Variants in KCNH1 observed in about 807,000 individuals in gnomAD.
KCNH1 encodes the protein potassium voltage-gated channel subfamily H member 1.
KCNH1 carries 27 observed loss-of-function variants against 69.2 expected under a neutral mutation model. The ratio of observed to expected loss-of-function variants is 0.39; its 90% CI spans 0.29 to 0.54. KCNH1 has a LOEUF of 0.54. Ranked by LOEUF, KCNH1 falls within the 20% of genes least tolerant of loss-of-function variation. The pLI is 0.68. For missense variants in KCNH1, 798 were observed against 1,261.6 expected (o/e 0.63, Z 5.57); for synonymous variants, 456 against 487.7 (o/e 0.93, Z 0.86).
intron 7 of KCNH1, chr1:210,861,006 C>T: frequency 9.4e-7 from 1 of 1,061,772 alleles, no homozygotes; most frequent in Non-Finnish European, 1.5e-6. Flanking sequence ...TTTCAAAGGT[C>T]AGCATTGGGT....
At chr1:210,873,523 T>C (rs950466144) in intron 7 of KCNH1, among the ~76,000 whole-genome samples, 2 of 151,844 alleles carry the variant, frequency 1.3e-5, no homozygotes, top group Non-Finnish European at 1.5e-5. Flanking sequence ...TATTTTTTTT[T>C]ACTTTTTGTA....
chr1:210,989,319 C>A (rs983648622), intron 6 of KCNH1, among the ~76,000 whole-genome samples: 1 of 152,166 alleles, frequency 6.6e-6, no homozygotes, highest in Non-Finnish European at 1.5e-5. Flanking sequence ...ACACAAAATA[C>A]TACTTTTGTG....
intron 10 of KCNH1, among the ~76,000 whole-genome samples, chr1:210,726,817 G>A (rs573460466): frequency 2.3e-5 from 3 of 130,998 alleles, no homozygotes; most frequent in South Asian, 2.3e-4. Flanking sequence ...CGGCGGGGGT[G>A]GGGTGGACTA....
intron 10 of KCNH1, among the ~76,000 whole-genome samples, chr1:210,774,978 A>G (rs1288938050): frequency 6.6e-6 from 1 of 152,178 alleles, no homozygotes; most frequent in African/African-American, 2.4e-5. Flanking sequence ...ACCACAGAGA[A>G]TTCAGTTTAC....
rs114759370 is a variant in KCNH1 at position 211,046,008 on chromosome 1, C to T, written c.559-26752G>A. 5.0e-3 allele frequency among the ~76,000 whole-genome samples: 761 copies of T among 152,278 alleles called. 8 individuals carry two copies. Among genetic ancestry groups the T allele is most frequent in the African/African-American group, 0.017 (725 of 41,564 alleles). On this transcript the variant is annotated intron_variant, in intron 5 of 10. Coordinates refer to ENST00000271751, the MANE Select transcript of KCNH1 (RefSeq NM_172362.3). ...GTTTCATCCATATGATCACAAATGG[C>T]AGGATTTGACTCTTTTGTAAGACTG...
intron 6 of KCNH1, among the ~76,000 whole-genome samples, chr1:210,936,213 G>A (rs566242868): frequency 5.3e-5 from 8 of 151,990 alleles, no homozygotes; most frequent in South Asian, 4.2e-4. Context: ...TTTCAACCCC[G>A]TATTACTCAT....
At chr1:210,862,259 C>A in intron 7 of KCNH1, 1 of 1,043,702 alleles carries the variant, frequency 9.6e-7, no homozygotes, top group Non-Finnish European at 1.5e-6. Context: ...CCCCGCAGGG[C>A]CTCGATAATG....
intron 5 of KCNH1, among the ~76,000 whole-genome samples, chr1:211,051,278 G>A (rs1257312064): frequency 4.6e-5 from 7 of 152,148 alleles, no homozygotes; most frequent in African/African-American, 1.7e-4. Context: ...GATTACAGGC[G>A]TGAGCCACCA....
At chr1:210,860,660 G>A in intron 7 of KCNH1, 5 of 780,522 alleles carry the variant, frequency 6.4e-6, no homozygotes, top group East Asian at 4.9e-5. Context: ...TGCATTACAG[G>A]TCTGATAAAT....
intron 5 of KCNH1, among the ~76,000 whole-genome samples, chr1:211,076,832 G>A (rs532957314): frequency 2.6e-5 from 4 of 152,282 alleles, no homozygotes; most frequent in African/African-American, 7.2e-5. Context: ...AAGGATGTTC[G>A]AACCCATCGC....
rs568861037 is a variant in KCNH1, at chr1:211,040,490, C to T, written c.559-21234G>A. On this transcript the variant is annotated intron_variant, in intron 5 of 10. Coordinates refer to ENST00000271751, the MANE Select transcript of KCNH1 (RefSeq NM_172362.3). ...CTTCTTCCTCATTTTCTCTTGCTGC[C>T]ACCATAGTAAGAAGTGCCTCTCACT... Among the ~76,000 whole-genome samples the T allele has an allele frequency of 2.6e-5, 4 of 152,236 alleles. No individual in the cohort carries two copies. In the East Asian group the frequency reaches 7.7e-4, roughly 29 times the overall value.
chr1:211,037,059 G>C (rs1689913145), intron 5 of KCNH1, among the ~76,000 whole-genome samples: 1 of 152,164 alleles, frequency 6.6e-6, no homozygotes, highest in African/African-American at 2.4e-5. Context: ...ATGAAAAATA[G>C]GGAAATCAGA....
chr1:210,859,742 G>T, intron 7 of KCNH1: 1 of 1,096,766 alleles, frequency 9.1e-7, no homozygotes, highest in Non-Finnish European at 1.4e-6. Context: ...TGGGGTATCT[G>T]TTCCATATCA....
intron 10 of KCNH1, among the ~76,000 whole-genome samples, chr1:210,752,696 TAGAA>T (rs1216661966): frequency 1.3e-5 from 2 of 151,750 alleles, no homozygotes; most frequent in African/African-American, 4.8e-5. Flanking sequence ...CGGAGGAAAT[TAGAA>T]AGAGGAAGAG....
chr1:210,833,444 T>C (rs1392295124), intron 7 of KCNH1, among the ~76,000 whole-genome samples: 2 of 152,184 alleles, frequency 1.3e-5, no homozygotes, highest in African/African-American at 4.8e-5. Context: ...AAGGATTCCC[T>C]ATTTAATAAA....
chr1:210,973,300 C>T (rs1259164221), intron 6 of KCNH1, among the ~76,000 whole-genome samples: 1 of 152,078 alleles, frequency 6.6e-6, no homozygotes, highest in Non-Finnish European at 1.5e-5. Flanking sequence ...TAAGCATATA[C>T]AGCCCCTAGA....
At chr1:210,837,455 T>C (rs543581075) in intron 7 of KCNH1, among the ~76,000 whole-genome samples, 4 of 152,274 alleles carry the variant, frequency 2.6e-5, no homozygotes, top group Admixed American at 6.5e-5. Context: ...TGGCACATAA[T>C]AGGGACTCAG....
intron 6 of KCNH1, among the ~76,000 whole-genome samples, chr1:210,923,175 T>C (rs570400635): frequency 1.3e-5 from 2 of 152,338 alleles, no homozygotes; most frequent in South Asian, 2.1e-4. Context: ...TAGTGAGAGA[T>C]ACAAGACATG....
intron 10 of KCNH1, among the ~76,000 whole-genome samples, chr1:210,743,564 A>T (rs1215368490): frequency 1.3e-5 from 2 of 152,220 alleles, no homozygotes; most frequent in African/African-American, 4.8e-5. Context: ...GGGTGACCGC[A>T]TGGAAGTGAG....
Sources: gnomAD v4.1 joint callset for allele counts (sites outside exome capture counted in the v4.1 genomes callset) on GRCh38, gnomAD v4.1.1 for gene constraint, MANE v1.5 for transcripts, NCBI Gene and HGNC (gene_info 2026-07-23, HGNC 2026-07-21) for gene names.